DOCK1: variants seen among roughly 807,000 people sequenced by gnomAD.
DOCK1 encodes dedicator of cytokinesis 1, also known as dedicator of cytokinesis protein 1.
A neutral mutation model predicts 262.7 loss-of-function variants in DOCK1; 138 were observed. The ratio of observed to expected loss-of-function variants is 0.53; its 90% CI spans 0.46 to 0.61. DOCK1 has a LOEUF of 0.61. Ranked by LOEUF, DOCK1 falls within the 20% of genes least tolerant of loss-of-function variation. The probability of loss-of-function intolerance (pLI) is 0.00; values close to 1 mark genes in which losing one functional copy is unlikely to be tolerated. For missense variants in DOCK1, 1,908 were observed against 2,370.7 expected (o/e 0.80, Z 4.05); for synonymous variants, 866 against 867.4 (o/e 1.00, Z 0.03).
chr10:127,326,255 C>T (rs2135612569), intron 29 of DOCK1, among the ~76,000 whole-genome samples: 1 of 152,308 alleles, frequency 6.6e-6, no homozygotes, highest in African/African-American at 2.4e-5. Context: ...TCTCTGTAGC[C>T]TGTGATGCTG....
At chr10:126,943,506 C>T (rs2035172184) in intron 1 of DOCK1, among the ~76,000 whole-genome samples, 1 of 152,272 alleles carries the variant, frequency 6.6e-6, no homozygotes, top group Middle Eastern at 3.4e-3. Context: ...TATGTAAGCA[C>T]CTACTGAATG....
At chr10:127,380,409 T>G (rs2065761685) in intron 36 of DOCK1, among the ~76,000 whole-genome samples, 1 of 152,076 alleles carries the variant, frequency 6.6e-6, no homozygotes, top group African/African-American at 2.4e-5. Context: ...ATGTGGCCCT[T>G]TTGCAAAAAG....
At chr10:127,316,708 G>A (rs531481234) in intron 29 of DOCK1, among the ~76,000 whole-genome samples, 1 of 152,248 alleles carries the variant, frequency 6.6e-6, no homozygotes, top group South Asian at 2.1e-4. Context: ...GGGTTTATGA[G>A]CAGCATTATT....
chr10:127,277,290 C>G (rs2060777416), intron 29 of DOCK1, among the ~76,000 whole-genome samples: 1 of 152,162 alleles, frequency 6.6e-6, no homozygotes, highest in African/African-American at 2.4e-5. Flanking sequence ...TAAGAAAATA[C>G]ATATAGACCT....
At chr10:127,092,196 A>G (rs2047576960) in intron 23 of DOCK1, among the ~76,000 whole-genome samples, 1 of 152,150 alleles carries the variant, frequency 6.6e-6, no homozygotes, top group Non-Finnish European at 1.5e-5. Context: ...TAGACACAGG[A>G]GTGGCCATAG....
intron 27 of DOCK1, among the ~76,000 whole-genome samples, chr10:127,168,816 A>G (rs550226438): frequency 1.3e-5 from 2 of 152,340 alleles, no homozygotes; most frequent in African/African-American, 4.8e-5. Context: ...GTTTATGCAC[A>G]GCTGCTGCAG....
chr10:126,986,303 C>T (rs2039379032), intron 4 of DOCK1, among the ~76,000 whole-genome samples: 1 of 150,330 alleles, frequency 6.7e-6, no homozygotes, highest in Admixed American at 6.8e-5. Flanking sequence ...TAAGTCATCA[C>T]AGGCCTGATC....
At chr10:127,204,738 T>A (rs754118373) in intron 27 of DOCK1, among the ~76,000 whole-genome samples, 4 of 152,244 alleles carry the variant, frequency 2.6e-5, no homozygotes, top group African/African-American at 7.2e-5. Context: ...CCCAGACATT[T>A]GTTTCAGAAT....
chr10:126,972,635 G>A (rs531406472), intron 2 of DOCK1, among the ~76,000 whole-genome samples: 1 of 152,210 alleles, frequency 6.6e-6, no homozygotes, highest in African/African-American at 2.4e-5. Flanking sequence ...CTTCCAACTT[G>A]AAATCCACTT....
intron 29 of DOCK1, among the ~76,000 whole-genome samples, chr10:127,332,427 A>T (rs1262266839): frequency 1.3e-5 from 2 of 152,218 alleles, no homozygotes; most frequent in Admixed American, 1.3e-4. Context: ...AATAATAGCA[A>T]TGAAATCTTT....
chr10:127,032,574 G>A (rs928001461), intron 18 of DOCK1, among the ~76,000 whole-genome samples: 11 of 152,064 alleles, frequency 7.2e-5, no homozygotes, highest in African/African-American at 1.9e-4. Context: ...TTAAGACAAG[G>A]TCTCAGTCTC....
chr10:126,929,528 C>A (rs1443813867), intron 1 of DOCK1, among the ~76,000 whole-genome samples: 1 of 151,992 alleles, frequency 6.6e-6, no homozygotes, highest in Non-Finnish European at 1.5e-5. Flanking sequence ...TCCTGGCGAG[C>A]CTTGGAGGAC....
chr10:127,098,426 C>T (rs572471152), intron 23 of DOCK1, among the ~76,000 whole-genome samples: 6 of 152,308 alleles, frequency 3.9e-5, no homozygotes, highest in African/African-American at 1.2e-4. Context: ...TGGGTCCACA[C>T]GCTGTCCTGC....
At chr10:127,125,740 C>A in intron 26 of DOCK1, 139 bp downstream of exon 26, 1 of 1,212,904 alleles carries the variant, frequency 8.2e-7, no homozygotes, top group Non-Finnish European at 1.1e-6. Flanking sequence ...TAGAGTTGCA[C>A]CCTTAAATTA....
intron 8 of DOCK1, 24 bp downstream of exon 8, chr10:126,998,273 G>C: frequency 6.2e-7 from 1 of 1,612,926 alleles, no homozygotes; most frequent in East Asian, 2.2e-5. Flanking sequence ...CTTGGCTGCC[G>C]TCTTTCCTCT....
intron 1 of DOCK1, among the ~76,000 whole-genome samples, chr10:126,958,169 G>C (rs1266998271): frequency 6.6e-6 from 1 of 152,196 alleles, no homozygotes; most frequent in Non-Finnish European, 1.5e-5. Context: ...ATCACCTAAA[G>C]ACTGTGTGTT....
intron 1 of DOCK1, among the ~76,000 whole-genome samples, chr10:126,967,139 G>A (rs1310654413): frequency 2.6e-5 from 4 of 152,250 alleles, no homozygotes; most frequent in African/African-American, 9.6e-5. Context: ...AAGCAAAACT[G>A]AGCGATCAGC....
In DOCK1 at chr10:127,026,058, T is replaced by A. The variant is rs569876274; in HGVS notation, c.1552-294T>A. On this transcript the variant is annotated intron_variant, in intron 15 of 51. Coordinates refer to ENST00000623213, the MANE Select transcript of DOCK1 (RefSeq NM_001290223.2). ...TGGGCAACAAGAGCGAAACTCTGTA[T>A]CAAAAAAAAAAAAAGAAAGAAAAAA... 102 of 145,908 alleles carry A rather than the reference T, an allele frequency of 7.0e-4. No individual in the cohort carries two copies. In the African/African-American group the frequency reaches 0.018, roughly 26 times the overall value. 9.0% of individuals were successfully genotyped at this position (145,908 alleles called of 1,614,324 possible).
At chr10:127,193,237 G>A (rs2056875379) in intron 27 of DOCK1, among the ~76,000 whole-genome samples, 1 of 152,170 alleles carries the variant, frequency 6.6e-6, no homozygotes, top group Non-Finnish European at 1.5e-5. Context: ...AAAGACTGTT[G>A]AAAATGACGA....
Sources: gnomAD v4.1 joint callset for allele counts (sites outside exome capture counted in the v4.1 genomes callset) on GRCh38, gnomAD v4.1.1 for gene constraint, MANE v1.5 for transcripts, NCBI Gene and HGNC (gene_info 2026-07-23, HGNC 2026-07-21) for gene names.